XRRA1: variants seen among roughly 807,000 people sequenced by gnomAD.
The protein encoded by XRRA1 is X-ray radiation resistance associated 1, also known as X-ray radiation resistance-associated protein 1.
Under a neutral mutation model 80.2 loss-of-function variants are expected in XRRA1, and 69 were observed. The ratio of observed to expected loss-of-function variants is 0.86; its 90% CI spans 0.71 to 1.05. The LOEUF is 1.05. Among genes scored for constraint, XRRA1 ranks in the 50% least tolerant of loss-of-function variants. The pLI, the probability that XRRA1 is intolerant of heterozygous loss-of-function variation, is 0.00. For synonymous variants in XRRA1, 348 were observed against 389.9 expected (o/e 0.89, Z 1.27); for missense variants, 967 against 976.4 (o/e 0.99, Z 0.13).
rs1327325059 is a variant in XRRA1 at position 74,882,561 on chromosome 11, G to A, written c.1004-19540C>T. ...TGTTCCGTTGCTGGTGAGGAACTGCGTTCCTTTGGAGGAGGAGAGGCGCTC... is the reference window on the plus strand; with the variant it reads ...TGTTCCGTTGCTGGTGAGGAACTGCATTCCTTTGGAGGAGGAGAGGCGCTC... On this transcript the variant is annotated intron_variant, in intron 10 of 18. Transcript: ENST00000684022. Among the ~76,000 whole-genome samples the A allele has an allele frequency of 2.7e-3, 418 of 152,126 alleles. 1 individual carries two copies. Among genetic ancestry groups the A allele is most frequent in the African/African-American group, 9.6e-3 (397 of 41,524 alleles).
In XRRA1 at chr11:74,843,411, T is replaced by C; in HGVS notation, c.2192A>G (p.His731Arg). ...HQWTERRLVN[H>R]KQYLEAKRLL... The stretch of plus-strand genomic sequence containing the variant: ...CCTCTTGGCCTCCAGGTACTGCTTG[T>C]GGTTCACCAGCCGCCGTTCTGTCCA... The change falls in exon 19 of 19, where the codon CAC becomes CGC. Residue 731 changes from histidine (H) to arginine (R), a missense_variant. Physicochemically the swap from His to Arg is conservative, Grantham distance 29. Coordinates refer to ENST00000684022, the MANE Select transcript of XRRA1 (RefSeq NM_001378157.1). The C allele has an allele frequency of 1.2e-6, 2 of 1,612,230 alleles. No homozygotes were observed. The highest frequency in any genetic ancestry group is 1.7e-6 in the Non-Finnish European group (2 of 1,179,228).
At position 74,843,230 on chromosome 11, in the gene XRRA1, C is replaced by T; in HGVS notation, c.2373G>A (p.Gln791=). 1.3e-6 allele frequency: 2 copies of T among 1,560,142 alleles called. No homozygotes were observed. The highest frequency in any genetic ancestry group is 1.7e-6 in the Non-Finnish European group (2 of 1,152,134). Reference sequence around the variant, plus strand: ...CTTGTGAGTCACTGGCTGTGGGCTCCTGGCAGAACTCATCCATGAACTCGA... The same window carrying T: ...CTTGTGAGTCACTGGCTGTGGGCTCTTGGCAGAACTCATCCATGAACTCGA... ...HFLEFMDEFC[Q]EPTASDSQG is the part of the protein sequence containing the mutation. Residue 791 remains glutamine (Q), a synonymous_variant, in exon 19 of 19, where the codon CAG becomes CAA. Transcript: ENST00000684022.
At chr11:74,929,030 A>G (rs1007373299) in intron 6 of XRRA1, among the ~76,000 whole-genome samples, 3 of 152,136 alleles carry the variant, frequency 2.0e-5, no homozygotes, top group Non-Finnish European at 4.4e-5. Flanking sequence ...TCATATACCT[A>G]TTGGCCTTTG....
intron 11 of XRRA1, among the ~76,000 whole-genome samples, chr11:74,860,294 G>C (rs1319876742): frequency 6.6e-5 from 10 of 152,226 alleles, no homozygotes; most frequent in Non-Finnish European, 1.2e-4. Flanking sequence ...GTGATCCCAA[G>C]GCAATTTCTG....
intron 12 of XRRA1, 64 bp downstream of exon 12, chr11:74,859,075 GGGTTGGTTTTTAGGCCAGA>G: frequency 1.4e-6 from 2 of 1,453,676 alleles, no homozygotes; most frequent in Non-Finnish European, 1.8e-6. Flanking sequence ...ATTGAATGGA[GGGTTGGTTTTTAGGCCAGA>G]GCAACTTGCA....
At chr11:74,888,532 C>T (rs2049712596) in intron 10 of XRRA1, among the ~76,000 whole-genome samples, 1 of 152,226 alleles carries the variant, frequency 6.6e-6, no homozygotes, top group Admixed American at 6.5e-5. Flanking sequence ...CAAAGGAATG[C>T]AGCTCCTCAC....
chr11:74,947,242 T>C (rs898384701), intron 1 of XRRA1, among the ~76,000 whole-genome samples: 3 of 152,118 alleles, frequency 2.0e-5, no homozygotes, highest in African/African-American at 4.8e-5. Flanking sequence ...AGATGAGAAG[T>C]TGGCCTGGTG....
intron 10 of XRRA1, among the ~76,000 whole-genome samples, chr11:74,882,862 G>C (rs2048012275): frequency 6.6e-6 from 1 of 152,212 alleles, no homozygotes. Flanking sequence ...GAGGCAGTCT[G>C]CCTGTTCTCA....
At chr11:74,853,490 TC>T (rs1316320346) in intron 12 of XRRA1, among the ~76,000 whole-genome samples, 6 of 152,144 alleles carry the variant, frequency 3.9e-5, no homozygotes, top group Non-Finnish European at 7.3e-5. Context: ...TCTACTTTCT[TC>T]CCTTTACCAC....
intron 10 of XRRA1, among the ~76,000 whole-genome samples, chr11:74,865,594 C>A (rs1182223686): frequency 6.6e-6 from 1 of 152,198 alleles, no homozygotes; most frequent in Non-Finnish European, 1.5e-5. Flanking sequence ...CCTCTTGTTG[C>A]AGTCAAGGAA....
intron 8 of XRRA1, chr11:74,919,915 C>G (rs532606383): frequency 2.9e-6 from 1 of 339,898 alleles, no homozygotes; most frequent in East Asian, 8.6e-5. Context: ...TACCTATGTA[C>G]CTGTTACCAC....
At chr11:74,884,176 AT>A (rs1246455917) in intron 10 of XRRA1, among the ~76,000 whole-genome samples, 2 of 152,082 alleles carry the variant, frequency 1.3e-5, no homozygotes, top group Non-Finnish European at 2.9e-5. Context: ...AAAAAAAATT[AT>A]TTTTTTCCAA....
intron 10 of XRRA1, among the ~76,000 whole-genome samples, chr11:74,883,219 C>T (rs1171924125): frequency 6.6e-6 from 1 of 152,234 alleles, no homozygotes; most frequent in South Asian, 2.1e-4. Context: ...CGTGGTGTGC[C>T]GTTTTTTAAG....
At position 74,843,587 on chromosome 11, in the gene XRRA1, C is replaced by A. The variant is rs894475404; in HGVS notation, c.2150-134G>T. 38 of 1,288,362 alleles carry A rather than the reference C, an allele frequency of 2.9e-5. 1 individual carries two copies. The Admixed American group carries it at 5.5e-4, about 19-fold the overall frequency. 79.8% of individuals were successfully genotyped at this position (1,288,362 alleles called of 1,614,324 possible). ...GAGGATGCTAAGGGGCTAAAAATGG[C>A]CTTTCCAGCTTGGGAAGTCACTGAC... is the stretch of plus-strand genomic sequence containing the variant. On this transcript the variant is annotated intron_variant, in intron 18 of 18. Transcript: ENST00000684022.
chr11:74,928,533 C>G (rs550606584), intron 6 of XRRA1, among the ~76,000 whole-genome samples: 55 of 152,288 alleles, frequency 3.6e-4, no homozygotes, highest in African/African-American at 1.2e-3. Context: ...TGAGCTGACA[C>G]TGGGGGCCAG....
chr11:74,943,524 G>GGGGGTGT (rs1330173160), intron 2 of XRRA1, among the ~76,000 whole-genome samples: 1 of 137,762 alleles, frequency 7.3e-6, no homozygotes, highest in African/African-American at 2.7e-5. Context: ...AGAGTAGGAG[G>GGGGGTGT]GTGTGTGTGT....
At chr11:74,943,526 T>TA in intron 2 of XRRA1, among the ~76,000 whole-genome samples, 1 of 39,500 alleles carries the variant, frequency 2.5e-5, no homozygotes, top group African/African-American at 1.1e-4. Context: ...AGTAGGAGGG[T>TA]GTGTGTGTGT....
chr11:74,921,885 G>A (rs1241530535), intron 7 of XRRA1, among the ~76,000 whole-genome samples: 1 of 152,140 alleles, frequency 6.6e-6, no homozygotes, highest in Non-Finnish European at 1.5e-5. Context: ...AAGACTGTGG[G>A]GTCAAGTGCC....
intron 10 of XRRA1, among the ~76,000 whole-genome samples, chr11:74,886,093 C>T (rs1823499795): frequency 1.3e-5 from 2 of 152,128 alleles, no homozygotes; most frequent in South Asian, 4.1e-4. Flanking sequence ...ATGAGAAACC[C>T]ATTGCCAACA....
Sources: gnomAD v4.1 joint callset for allele counts (sites outside exome capture counted in the v4.1 genomes callset) on GRCh38, gnomAD v4.1.1 for gene constraint, MANE v1.5 for transcripts, NCBI Gene and HGNC (gene_info 2026-07-23, HGNC 2026-07-21) for gene names.